MTCL1: variants seen among roughly 807,000 people sequenced by gnomAD.
MTCL1 encodes microtubule cross-linking factor 1.
A neutral mutation model predicts 141.4 loss-of-function variants in MTCL1; 79 were observed. The ratio of observed to expected loss-of-function variants is 0.56; its 90% CI spans 0.47 to 0.67. MTCL1 has a LOEUF of 0.67. Among genes scored for constraint, MTCL1 ranks in the 30% least tolerant of loss-of-function variants. The probability of loss-of-function intolerance (pLI) is 0.00; values close to 1 mark genes in which losing one functional copy is unlikely to be tolerated. For missense variants in MTCL1, 2,177 were observed against 2,113.9 expected, an observed-to-expected ratio of 1.03 and a Z score of -0.59; for synonymous variants, 914 against 875.8, an observed-to-expected ratio of 1.04 and a Z score of -0.77.
At chr18:8,724,726 A>G (rs2148829089) in intron 4 of MTCL1, among the ~76,000 whole-genome samples, 1 of 152,256 alleles carries the variant, frequency 6.6e-6, no homozygotes, top group East Asian at 1.9e-4. Flanking sequence ...GTTGGCCTGA[A>G]ATGGGAGAGC....
chr18:8,817,253 T>TTC (rs2076685546), intron 12 of MTCL1, among the ~76,000 whole-genome samples: 1 of 20,322 alleles, frequency 4.9e-5, no homozygotes. Flanking sequence ...AAGCCTTCCC[T>TTC]TTTTTTTTTT....
At chr18:8,826,184 C>T in exon 15 of MTCL1, 2 of 1,610,922 alleles carry the variant, frequency 1.2e-6, no homozygotes, top group Non-Finnish European at 1.7e-6. Context: ...CGGGTCTCCA[C>T]AGTGACAGCC....
Position 8,723,495 on chromosome 18 carries a change from G to A in MTCL1, c.357+2999G>A, listed in dbSNP as rs192232355. Among the ~76,000 whole-genome samples, 335 of 152,280 alleles carry A rather than the reference G, an allele frequency of 2.2e-3. 4 individuals carry two copies. The highest frequency in any genetic ancestry group is 7.7e-3 in the African/African-American group (318 of 41,556). Reference sequence around the variant, plus strand: ...TGTCTGAGCAGCAGCAGTTGTCGCAGGTGTGTGTGTGTCCCCTCGGCCTCA... The same window carrying A: ...TGTCTGAGCAGCAGCAGTTGTCGCAAGTGTGTGTGTGTCCCCTCGGCCTCA... On this transcript the variant is annotated intron_variant, in intron 4 of 16. Transcript: ENST00000359865.
upstream of MTCL1, among the ~76,000 whole-genome samples, chr18:8,714,856 G>A (rs1242939986): frequency 6.6e-6 from 1 of 151,898 alleles, no homozygotes; most frequent in Non-Finnish European, 1.5e-5. Flanking sequence ...GAGTGCAGTG[G>A]CGCGATTTCC....
At chr18:8,770,688 A>G (rs1290351025) in intron 4 of MTCL1, among the ~76,000 whole-genome samples, 1 of 152,208 alleles carries the variant, frequency 6.6e-6, no homozygotes, top group Non-Finnish European at 1.5e-5. Flanking sequence ...AAGAGAGTTT[A>G]GCATTGTGCC....
exon 6 of MTCL1, chr18:8,783,622 G>A (rs2143507064): frequency 6.2e-7 from 1 of 1,613,586 alleles, no homozygotes; most frequent in South Asian, 1.1e-5. Context: ...GAAGGGAGAA[G>A]GACGAGCTGG....
At chr18:8,780,294 C>T (rs114068616) in intron 5 of MTCL1, among the ~76,000 whole-genome samples, 2,742 of 152,364 alleles carry the variant, frequency 0.018, 74 homozygotes, top group African/African-American at 0.057. Context: ...AAGCTTCCCG[C>T]ACCATGCAGG....
At chr18:8,798,069 T>C (rs1190828403) in intron 9 of MTCL1, 28 bp from the exon 9 acceptor site, 1 of 1,550,842 alleles carries the variant, frequency 6.4e-7, no homozygotes, top group Admixed American at 2.3e-5. Context: ...TGGCTGAAGC[T>C]GTGATCGTCA....
rs1190230243 is a variant in MTCL1, at chr18:8,828,601, G to A, written c.4723-307G>A. On this transcript the variant is annotated intron_variant, in intron 15 of 16. Coordinates refer to ENST00000359865, the Ensembl canonical transcript of MTCL1. The surrounding 1 kb of genome is among the most constrained non-coding windows in gnomAD (Gnocchi z 5.2). ...GCTGTTTGAAATGTTAAATGCTAAAGGGTGACTCGGAAGCATAGAAACTAG... is the reference window on the plus strand; with the variant it reads ...GCTGTTTGAAATGTTAAATGCTAAAAGGTGACTCGGAAGCATAGAAACTAG... Among the ~76,000 whole-genome samples, 1 of 152,186 alleles carries A rather than the reference G, an allele frequency of 6.6e-6. No individual in the cohort carries two copies. Among genetic ancestry groups the A allele is most frequent in the East Asian group, 1.9e-4 (1 of 5,188 alleles).
intron 4 of MTCL1, among the ~76,000 whole-genome samples, chr18:8,756,565 C>T (rs2096402905): frequency 7.2e-6 from 1 of 139,000 alleles, no homozygotes; most frequent in South Asian, 2.1e-4. Context: ...ATATATATCT[C>T]AAAGGCAAGA....
chr18:8,824,379 C>A (rs56793865), intron 14 of MTCL1, among the ~76,000 whole-genome samples: 17,583 of 152,256 alleles, frequency 0.12, 1,111 homozygotes, highest in Middle Eastern at 0.14. Flanking sequence ...TGAGAATTCT[C>A]ACTGAGGCAC....
At chr18:8,710,143 C>T (rs901167313) in intron 1 of MTCL1, among the ~76,000 whole-genome samples, 2 of 152,068 alleles carry the variant, frequency 1.3e-5, no homozygotes, top group African/African-American at 4.8e-5. Flanking sequence ...CCCGGCCTGG[C>T]CTGTATTTTT....
chr18:8,784,813 C>T (rs2096545619), exon 6 of MTCL1: 1 of 1,605,476 alleles, frequency 6.2e-7, no homozygotes, highest in Non-Finnish European at 8.5e-7. Context: ...CCATCGGGAA[C>T]CTGGGGAAGG....
At chr18:8,785,277 A>G (rs2096548307) in intron 6 of MTCL1, among the ~76,000 whole-genome samples, 1 of 152,136 alleles carries the variant, frequency 6.6e-6, no homozygotes, top group South Asian at 2.1e-4. Context: ...AGACTCGCTA[A>G]CGAGCACGTC....
At chr18:8,791,048 G>A (rs2075706768) in intron 7 of MTCL1, among the ~76,000 whole-genome samples, 1 of 152,206 alleles carries the variant, frequency 6.6e-6, no homozygotes, top group Admixed American at 6.5e-5. Flanking sequence ...GAGAACCAGA[G>A]TGGTCTCTGT....
chr18:8,714,945 C>T (rs373666021), upstream of MTCL1, among the ~76,000 whole-genome samples: 173 of 152,192 alleles, frequency 1.1e-3, 2 homozygotes, highest in South Asian at 0.021. Context: ...TACAGGTGCC[C>T]GCCACCACGC....
At chr18:8,766,740 C>A (rs970973125) in intron 4 of MTCL1, among the ~76,000 whole-genome samples, 1 of 152,230 alleles carries the variant, frequency 6.6e-6, no homozygotes, top group Non-Finnish European at 1.5e-5. Context: ...CAGCCGCCTT[C>A]CTGGGAGAGG....
chr18:8,828,822 G>T lies in MTCL1; in HGVS notation c.4723-86G>T. ...ATGGTCCTCTACCTCCGGGCTTGCT[G>T]ACTTTAAACCTTTATTGTTCTCCTG... On this transcript the variant is annotated intron_variant, in intron 15 of 16. Transcript: ENST00000359865. The surrounding 1 kb of genome is among the most constrained non-coding windows in gnomAD (Gnocchi z 5.2). 6.2e-7 allele frequency: 1 copy of T among 1,601,792 alleles called. No individual in the cohort carries two copies.
At chr18:8,811,818 A>C (rs943354280) in intron 11 of MTCL1, among the ~76,000 whole-genome samples, 2 of 152,228 alleles carry the variant, frequency 1.3e-5, no homozygotes, top group East Asian at 1.9e-4. Flanking sequence ...TCCTTTGAAA[A>C]GTATACAATT....
Sources: allele counts gnomAD v4.1 joint callset (sites outside exome capture counted in the v4.1 genomes callset), GRCh38; gene constraint gnomAD v4.1.1; non-coding constraint Gnocchi (gnomAD v3.1); transcripts MANE v1.5; gene names NCBI Gene and HGNC (gene_info 2026-07-23, HGNC 2026-07-21).